The following SYTL2 variants were observed in gnomAD, a reference collection of about 807,000 sequenced individuals.
The protein encoded by SYTL2 is synaptotagmin like 2.
A neutral mutation model predicts 198.7 loss-of-function variants in SYTL2; 165 were observed. That is an observed-to-expected ratio of 0.83 (90% CI 0.73 to 0.94). The LOEUF is 0.94. Ranked by LOEUF, SYTL2 falls within the 40% of genes least tolerant of loss-of-function variation. The pLI is 0.00. For missense variants in SYTL2, 2,835 were observed against 2,582.8 expected (o/e 1.10, Z -2.12); for synonymous variants, 966 against 917.7 (o/e 1.05, Z -0.95).
the SYTL2 span, among the ~76,000 whole-genome samples, chr11:85,828,592 C>T: frequency 6.6e-6 from 1 of 152,204 alleles, no homozygotes; most frequent in Non-Finnish European, 1.5e-5. Flanking sequence ...AGGAAAACTA[C>T]CTGGAAGGAT....
At position 85,724,439 on chromosome 11, in the gene SYTL2, C is replaced by T. The variant is rs1437361402; in HGVS notation, c.4919G>A (p.Gly1640Glu). The T allele has an allele frequency of 6.2e-7, 1 of 1,611,258 alleles. No homozygotes were observed. Among genetic ancestry groups the T allele is most frequent in the Non-Finnish European group, 8.5e-7 (1 of 1,179,134 alleles). ...SQVNQCDKML[G>E]GDALVTDLLV... ...TAAATCAGTCACAAGTGCGTCTCCT[C>T]CCAACATTTTATCACATTGGTTGAC... The change falls in exon 8 of 20, where the codon GGA (glycine) becomes GAA (glutamate). Residue 1640 changes from glycine to glutamate, a missense_variant. Physicochemically the swap from Gly to Glu is moderately conservative, Grantham distance 98 (BLOSUM62 -2). This residue lies in a region of SYTL2 where 2,645 missense variants were observed against 2,381.7 expected (regional missense o/e 1.11). Coordinates refer to ENST00000359152, the MANE Select transcript of SYTL2 (RefSeq NM_206927.4).
Position 85,724,754 on chromosome 11 carries a change from G to A in SYTL2, c.4604C>T (p.Pro1535Leu). ...ATGGCATTCAGAAGTGGCTCGCCTG[G>A]GCTCCTCTGTACTACCTATTAACTT... The part of the protein sequence containing the change: ...PSKLIGSTEE[P>L]RRATSECHPE... The change falls in exon 8 of 20, where the codon CCC becomes CTC. Residue 1535 changes from proline to leucine, a missense_variant. Pro to Leu is a moderately conservative substitution (Grantham distance 98). Around this residue, in one of 3 missense-constraint regions of SYTL2, gnomAD observed 2,645 missense variants for 2,381.7 expected, o/e 1.11. Coordinates refer to ENST00000359152, the MANE Select transcript of SYTL2 (RefSeq NM_206927.4). 1.9e-6 allele frequency: 3 copies of A among 1,613,228 alleles called. No homozygotes were observed. The highest frequency in any genetic ancestry group is 2.5e-6 in the Non-Finnish European group (3 of 1,179,754).
At chr11:85,840,421 G>A in the SYTL2 span, among the ~76,000 whole-genome samples, 2 of 152,082 alleles carry the variant, frequency 1.3e-5, no homozygotes, top group East Asian at 1.9e-4. Flanking sequence ...CATAGTTTGA[G>A]GGCTTGCACT....
chr11:85,725,287 C>T lies in SYTL2; in HGVS notation c.4071G>A (p.Glu1357=). The part of the protein sequence containing the change: ...PSQTEISETV[E]KVILPPRPVL... ...CAGGTCTGGGTGGAAGAATGACTTT[C>T]TCTACAGTCTCCGAAATTTCCGTTT... The change falls in exon 8 of 20, where the codon GAG becomes GAA. Residue 1357 remains glutamate (E), a synonymous_variant. Transcript: ENST00000359152. The T allele has an allele frequency of 1.2e-6, 2 of 1,614,162 alleles. No homozygotes were observed. Among genetic ancestry groups the T allele is most frequent in the South Asian group, 2.2e-5 (2 of 91,086 alleles).
chr11:85,827,321 G>A, the SYTL2 span, among the ~76,000 whole-genome samples: 15 of 152,204 alleles, frequency 9.9e-5, no homozygotes, highest in East Asian at 1.9e-3. Flanking sequence ...GCTCTGCACC[G>A]GTCCTAGCTT....
intron 1 of SYTL2, among the ~76,000 whole-genome samples, chr11:85,782,940 A>G (rs1027011867): frequency 3.3e-5 from 5 of 152,208 alleles, no homozygotes; most frequent in African/African-American, 7.2e-5. Context: ...GGAAGTTCCA[A>G]ACTTTCTCAC....
At position 85,809,544 on chromosome 11, in the gene SYTL2, G is replaced by C. The variant is rs117883337; in HGVS notation, c.-390+1410C>G. On this transcript the variant is annotated intron_variant, in intron 1 of 19. Coordinates refer to ENST00000359152, the MANE Select transcript of SYTL2 (RefSeq NM_206927.4). ...TTAAGGAGCACAAAGACAGTGTAAA[G>C]AACACAGGTTTTAGAATCAGAGATT... Among the ~76,000 whole-genome samples the C allele has an allele frequency of 2.9e-4, 44 of 152,276 alleles. No homozygotes were observed. The East Asian group carries it at 8.5e-3, about 29-fold the overall frequency.
intron 4 of SYTL2, among the ~76,000 whole-genome samples, chr11:85,742,495 C>A (rs1272424249): frequency 6.6e-6 from 1 of 152,174 alleles, no homozygotes; most frequent in African/African-American, 2.4e-5. Flanking sequence ...GTGGGGGGCA[C>A]ACAATGTGCT....
rs184359706 is a variant in SYTL2 at position 85,746,125 on chromosome 11, T to C, written c.254-353A>G. Among the ~76,000 whole-genome samples the C allele has an allele frequency of 3.8e-3, 580 of 152,220 alleles. 1 individual carries two copies. Among genetic ancestry groups the C allele is most frequent in the Non-Finnish European group, 4.6e-3 (314 of 67,990 alleles). On this transcript the variant is annotated intron_variant, in intron 3 of 19. Coordinates refer to ENST00000359152, the MANE Select transcript of SYTL2 (RefSeq NM_206927.4). Reference sequence around the variant, plus strand: ...GCCAGGGGATGCTCAGGGCAGGAAGTCCTCAGTGGGATAGAAGCACCATCA... The same window carrying C: ...GCCAGGGGATGCTCAGGGCAGGAAGCCCTCAGTGGGATAGAAGCACCATCA...
chr11:85,830,195 G>C, the SYTL2 span, among the ~76,000 whole-genome samples: 1 of 152,206 alleles, frequency 6.6e-6, no homozygotes, highest in Non-Finnish European at 1.5e-5. Context: ...CAATAGGGCT[G>C]TGGTGGGCCC....
chr11:85,741,334 C>T (rs1315732845), intron 4 of SYTL2, among the ~76,000 whole-genome samples: 1 of 152,142 alleles, frequency 6.6e-6, no homozygotes, highest in East Asian at 1.9e-4. Flanking sequence ...TGAAGCACCT[C>T]AAGTCAGTAT....
At chr11:85,825,232 C>CA in the SYTL2 span, among the ~76,000 whole-genome samples, 1 of 151,720 alleles carries the variant, frequency 6.6e-6, no homozygotes. Context: ...ACTAAAAATA[C>CA]AAAAAATTAG....
the SYTL2 span, chr11:85,853,984 A>G: frequency 2.0e-5 from 3 of 151,986 alleles, no homozygotes; most frequent in African/African-American, 7.3e-5. Flanking sequence ...AGCTGGGACT[A>G]CAGGCACTCA....
At chr11:85,799,497 C>G (rs143808953) in intron 1 of SYTL2, among the ~76,000 whole-genome samples, 5 of 152,252 alleles carry the variant, frequency 3.3e-5, no homozygotes, top group Non-Finnish European at 4.4e-5. Context: ...AAGAGCTCAA[C>G]AAAAGGGACT....
chr11:85,820,177 G>T, the SYTL2 span, among the ~76,000 whole-genome samples: 1 of 152,090 alleles, frequency 6.6e-6, no homozygotes, highest in African/African-American at 2.4e-5. Context: ...ATCACCAATA[G>T]AAATCTCACA....
the SYTL2 span, among the ~76,000 whole-genome samples, chr11:85,817,452 T>C: frequency 6.6e-6 from 1 of 152,252 alleles, no homozygotes; most frequent in Non-Finnish European, 1.5e-5. Context: ...GATTACATGT[T>C]GAAATGATAT....
At chr11:85,799,105 A>G (rs1297096615) in intron 1 of SYTL2, among the ~76,000 whole-genome samples, 1 of 152,220 alleles carries the variant, frequency 6.6e-6, no homozygotes, top group Non-Finnish European at 1.5e-5. Flanking sequence ...ATTGACCACT[A>G]AATTCTTAAA....
At chr11:85,752,357 T>C (rs1311777017) in intron 2 of SYTL2, among the ~76,000 whole-genome samples, 2 of 152,238 alleles carry the variant, frequency 1.3e-5, no homozygotes, top group East Asian at 3.9e-4. Flanking sequence ...GATAAAATGA[T>C]AGAAGCCCAG....
the SYTL2 span, chr11:85,852,607 C>T: frequency 1.1e-5 from 2 of 177,360 alleles, no homozygotes; most frequent in South Asian, 1.1e-4. Context: ...AGCTCCTAAC[C>T]GCGAGTGATC....
Sources: gnomAD v4.1 joint callset for allele counts (sites outside exome capture counted in the v4.1 genomes callset) on GRCh38, gnomAD v4.1.1 for gene constraint, gnomAD v4.1.1 regional missense constraint, MANE v1.5 for transcripts, NCBI Gene and HGNC (gene_info 2026-07-23, HGNC 2026-07-21) for gene names.